COLEC10: variants seen among roughly 807,000 people sequenced by gnomAD.
The protein encoded by COLEC10 is collectin subfamily member 10, also known as collectin-10.
In COLEC10, 22 loss-of-function variants were observed where a neutral mutation model predicts 28.4. That is an observed-to-expected ratio of 0.78 (90% CI 0.55 to 1.11). The LOEUF is 1.11. Ranked by LOEUF, COLEC10 falls within the 50% of genes least tolerant of loss-of-function variation. The pLI, the probability that COLEC10 is intolerant of heterozygous loss-of-function variation, is 0.00. For synonymous variants in COLEC10, 125 were observed against 116.1 expected (o/e 1.08, Z -0.49); for missense variants, 361 against 344.1 (o/e 1.05, Z -0.39).
the COLEC10 span, among the ~76,000 whole-genome samples, chr8:118,986,010 T>C: frequency 6.6e-6 from 1 of 152,124 alleles, no homozygotes; most frequent in Non-Finnish European, 1.5e-5. Flanking sequence ...AGTAAACAAA[T>C]GCAGCACTTA....
At chr8:118,986,089 A>G in the COLEC10 span, among the ~76,000 whole-genome samples, 6 of 152,180 alleles carry the variant, frequency 3.9e-5, no homozygotes, top group African/African-American at 1.4e-4. Flanking sequence ...AAAGTTGGGG[A>G]AATCTAATTT....
chr8:118,961,931 T>C, the COLEC10 span, among the ~76,000 whole-genome samples: 1 of 152,208 alleles, frequency 6.6e-6, no homozygotes, highest in Non-Finnish European at 1.5e-5. Context: ...CAAGTTGGCA[T>C]GTCAGCTAGT....
chr8:118,998,911 T>C (rs1001003046), intron 1 of COLEC10, among the ~76,000 whole-genome samples: 8 of 150,582 alleles, frequency 5.3e-5, no homozygotes, highest in Non-Finnish European at 1.2e-4. Flanking sequence ...TTCTAATTAA[T>C]AGCCCATCGC....
rs369718108 is a variant in COLEC10 at position 119,044,582 on chromosome 8, T to TGC, written n.235+35030_235+35031dup. Among the ~76,000 whole-genome samples the TGC allele has an allele frequency of 3.2e-3, 490 of 152,204 alleles. 3 individuals are homozygous for TGC. Among genetic ancestry groups the TGC allele is most frequent in the African/African-American group, 0.011 (468 of 41,530 alleles). On this transcript the variant is annotated intron_variant and non_coding_transcript_variant, in intron 2 of 6. Transcript: ENST00000521788. The stretch of plus-strand genomic sequence containing the variant: ...ATAACTGGGCGGGCATGGTGGCTTA[T>TGC]GCCTGTAATCCCAGCACTTTGGGAG...
chr8:119,078,116 AC>A (rs1274919585), intron 1 of COLEC10, among the ~76,000 whole-genome samples: 3 of 152,174 alleles, frequency 2.0e-5, no homozygotes, highest in Non-Finnish European at 4.4e-5. Context: ...CTCCTACATG[AC>A]CCAAACACAA....
the COLEC10 span, among the ~76,000 whole-genome samples, chr8:118,983,591 T>G: frequency 6.6e-6 from 1 of 152,082 alleles, no homozygotes; most frequent in Non-Finnish European, 1.5e-5. Context: ...ATAGGGCTCT[T>G]AAAGCTGTAA....
chr8:118,967,517 C>T, the COLEC10 span, among the ~76,000 whole-genome samples: 1 of 151,868 alleles, frequency 6.6e-6, no homozygotes, highest in Non-Finnish European at 1.5e-5. Context: ...ATAATAAGTA[C>T]AATAATAATG....
chr8:118,997,022 C>G (rs977496147), intron 1 of COLEC10, among the ~76,000 whole-genome samples: 2 of 152,182 alleles, frequency 1.3e-5, no homozygotes, highest in Non-Finnish European at 2.9e-5. Flanking sequence ...AGGCCTACCT[C>G]CCACACTGGA....
At chr8:118,986,033 G>A in the COLEC10 span, among the ~76,000 whole-genome samples, 5 of 152,212 alleles carry the variant, frequency 3.3e-5, no homozygotes, top group East Asian at 1.9e-4. Context: ...GAAAGGCTCC[G>A]TGACAGACTC....
At chr8:119,008,763 A>G (rs1291185351) in intron 1 of COLEC10, among the ~76,000 whole-genome samples, 1 of 150,912 alleles carries the variant, frequency 6.6e-6, no homozygotes, top group East Asian at 1.9e-4. Flanking sequence ...TGCAAAAGTA[A>G]TTACGGTTTT....
chr8:118,991,628 T>G (rs538253926), upstream of COLEC10, among the ~76,000 whole-genome samples: 3 of 152,242 alleles, frequency 2.0e-5, no homozygotes, highest in East Asian at 5.8e-4. Flanking sequence ...TTTCGTACCC[T>G]TATCTTTTGC....
intron 2 of COLEC10, among the ~76,000 whole-genome samples, chr8:119,025,744 CTG>C (rs1293582093): frequency 1.3e-5 from 2 of 152,276 alleles, no homozygotes; most frequent in African/African-American, 4.8e-5. Context: ...TCTAGGTTCT[CTG>C]TGTACATGCA....
chr8:119,018,414 G>A (rs1181925175), intron 2 of COLEC10, among the ~76,000 whole-genome samples: 1 of 152,130 alleles, frequency 6.6e-6, no homozygotes, highest in African/African-American at 2.4e-5. Flanking sequence ...CTACCCCAAG[G>A]GGAAAGGTTC....
the COLEC10 span, among the ~76,000 whole-genome samples, chr8:118,971,561 G>T: frequency 6.6e-6 from 1 of 151,924 alleles, no homozygotes; most frequent in Non-Finnish European, 1.5e-5. Context: ...GTAGGTAATG[G>T]CTGTTTATAT....
the COLEC10 span, among the ~76,000 whole-genome samples, chr8:118,969,307 TG>T: frequency 6.6e-6 from 1 of 152,074 alleles, no homozygotes; most frequent in African/African-American, 2.4e-5. Flanking sequence ...AGTAAATTCA[TG>T]TTTCTTTAAG....
At chr8:119,024,943 G>T (rs536932505) in intron 2 of COLEC10, among the ~76,000 whole-genome samples, 1 of 152,024 alleles carries the variant, frequency 6.6e-6, no homozygotes, top group Admixed American at 6.6e-5. Flanking sequence ...GAAGAGATCC[G>T]GGCAAGATAA....
intron 2 of COLEC10, among the ~76,000 whole-genome samples, chr8:119,017,748 TCAC>T (rs1814020166): frequency 1.3e-5 from 2 of 152,204 alleles, no homozygotes; most frequent in Admixed American, 1.3e-4. Flanking sequence ...AATCTTGAAG[TCAC>T]AAACCTCATG....
At chr8:119,027,949 G>A (rs1231718508) in intron 2 of COLEC10, among the ~76,000 whole-genome samples, 1 of 152,196 alleles carries the variant, frequency 6.6e-6, no homozygotes, top group Non-Finnish European at 1.5e-5. Context: ...TCACATTAGT[G>A]TAGTAGCCTT....
intron 1 of COLEC10, among the ~76,000 whole-genome samples, chr8:119,074,142 G>T (rs938945670): frequency 6.6e-6 from 1 of 151,898 alleles, no homozygotes; most frequent in Non-Finnish European, 1.5e-5. Context: ...GATTAACAGA[G>T]GCTAGGAAGG....
Sources: allele counts gnomAD v4.1 joint callset (sites outside exome capture counted in the v4.1 genomes callset), GRCh38; gene constraint gnomAD v4.1.1; transcripts MANE v1.5; gene names NCBI Gene and HGNC (gene_info 2026-07-23, HGNC 2026-07-21).